The following TRPM2 variants were observed in gnomAD, a reference collection of about 807,000 sequenced individuals.
TRPM2 encodes transient receptor potential cation channel subfamily M member 2.
TRPM2 carries 161 observed loss-of-function variants against 174.0 expected under a neutral mutation model. The observed-to-expected ratio is 0.93, with a 90% CI of 0.81 to 1.05. The LOEUF (loss-of-function observed/expected upper bound fraction) is 1.05, where lower values mean the gene tolerates loss of function less well. Ranked by LOEUF, TRPM2 falls within the 50% of genes least tolerant of loss-of-function variation. TRPM2 has a pLI of 0.00. For missense variants in TRPM2, 2,057 were observed against 2,038.0 expected, an observed-to-expected ratio of 1.01 and a Z score of -0.18; for synonymous variants, 954 against 861.3, an observed-to-expected ratio of 1.11 and a Z score of -1.88.
intron 22 of TRPM2, 179 bp from the exon 23 acceptor site, chr21:44,423,466 C>A (rs1379351076): frequency 5.0e-6 from 3 of 606,044 alleles, no homozygotes; most frequent in South Asian, 1.8e-5. Context: ...CCTCTGGGGC[C>A]CTGGGCAGTT....
intron 27 of TRPM2, 100 bp from the exon 28 acceptor site, chr21:44,435,031 C>A: frequency 8.5e-7 from 1 of 1,173,302 alleles, no homozygotes; most frequent in South Asian, 1.3e-5. Context: ...CGCTGTGCGC[C>A]GGCTCCTGAC....
Position 44,403,733 on chromosome 21 carries a change from A to G in TRPM2, c.2539-1409A>G, listed in dbSNP as rs1252616591. Among the ~76,000 whole-genome samples the G allele has an allele frequency of 5.3e-5, 8 of 151,484 alleles. No homozygotes were observed. The East Asian group carries it at 7.7e-4, about 15-fold the overall frequency. On this transcript the variant is annotated intron_variant, in intron 16 of 31. Transcript: ENST00000397928. Reference sequence around the variant, plus strand: ...TACACACATATGCATGGACACACATACATGCATATAGAGATGCACACACAT... The same window carrying G: ...TACACACATATGCATGGACACACATGCATGCATATAGAGATGCACACACAT...
chr21:44,400,289 C>G lies in TRPM2; in HGVS notation c.2239C>G (p.Leu747Val), dbSNP rs146409810. The G allele has an allele frequency of 2.2e-4, 349 of 1,612,908 alleles. No individual in the cohort carries two copies. In the African/African-American group the frequency reaches 3.9e-3, roughly 18 times the overall value. ...AFLTKVWWGQ[L>V]SVDNGLWRVT... is the part of the protein sequence containing the mutation. ...CCTGACCAAGGTGTGGTGGGGCCAGCTCTCCGTGGACAATGGGCTGTGGCG... is the reference window on the plus strand; with the variant it reads ...CCTGACCAAGGTGTGGTGGGGCCAGGTCTCCGTGGACAATGGGCTGTGGCG... Residue 747 changes from leucine (L) to valine (V), a missense_variant, in exon 15 of 32, where the codon CTC becomes GTC. Coordinates refer to ENST00000397928, the MANE Select transcript of TRPM2 (RefSeq NM_003307.4).
intron 8 of TRPM2, 64 bp downstream of exon 8, chr21:44,379,261 G>C: frequency 6.4e-7 from 1 of 1,571,736 alleles, no homozygotes; most frequent in Non-Finnish European, 8.6e-7. Flanking sequence ...TGTCAGCCTG[G>C]TGGGCAGGAC....
chr21:44,375,787 G>A, intron 5 of TRPM2, 46 bp from the exon 6 acceptor site: 1 of 1,573,780 alleles, frequency 6.4e-7, no homozygotes, highest in Non-Finnish European at 8.7e-7. Flanking sequence ...CGTTAGAGAG[G>A]CAGAGCTTTC....
rs528321167 is a variant in TRPM2, at chr21:44,395,228, T to A, written c.1795-186T>A. Among the ~76,000 whole-genome samples the A allele has an allele frequency of 3.3e-5, 5 of 152,324 alleles. No individual in the cohort carries two copies. The East Asian group carries it at 9.6e-4, about 29-fold the overall frequency. On this transcript the variant is annotated intron_variant, in intron 11 of 31. Transcript: ENST00000397928. ...TCTAGATGTCTCCAGAACAGTGTTTTAAAAAACTTCAGTGTGCATAAGAAT... is the reference window on the plus strand; with the variant it reads ...TCTAGATGTCTCCAGAACAGTGTTTAAAAAAACTTCAGTGTGCATAAGAAT...
chr21:44,371,571 C>T (rs1233957498), intron 5 of TRPM2, among the ~76,000 whole-genome samples: 1 of 152,170 alleles, frequency 6.6e-6, no homozygotes, highest in East Asian at 1.9e-4. Flanking sequence ...CTCTGTGTGC[C>T]TGTGTCAAAT....
upstream of TRPM2, among the ~76,000 whole-genome samples, chr21:44,352,822 G>GAAT (rs2047949254): frequency 6.6e-6 from 1 of 152,198 alleles, no homozygotes; most frequent in African/African-American, 2.4e-5. Context: ...TTGAATTATT[G>GAAT]TCTTTTTCCT....
rs775591005 is a variant in TRPM2, at chr21:44,391,489, C to T, written c.1658C>T (p.Ala553Val). 1.2e-5 allele frequency: 19 copies of T among 1,586,450 alleles called. No individual in the cohort carries two copies. The highest frequency in any genetic ancestry group is 7.0e-5 in the East Asian group (3 of 42,830). Residue 553 changes from alanine (A) to valine (V), a missense_variant, in exon 11 of 32, where the codon GCG becomes GTG. By Grantham distance (64) the Ala-to-Val change is moderately conservative. Transcript: ENST00000397928. The surrounding 1 kb of genome is among the most constrained non-coding windows in gnomAD (Gnocchi z 5.0). ...GAGCGCCCGGCTTGCGCGCCCGCGG[C>T]GCCCCGCCTGCAGATGCACCACGTG... ...DPERPACAPA[A>V]PRLQMHHVAQ... is the part of the protein sequence containing the mutation.
chr21:44,440,106 G>A (rs575671428), intron 30 of TRPM2, among the ~76,000 whole-genome samples: 56 of 151,454 alleles, frequency 3.7e-4, no homozygotes, highest in African/African-American at 1.3e-3. Flanking sequence ...GGAGGCTGAG[G>A]TGGGTAGATC....
chr21:44,429,278 C>CTTTTTTTTTTTTTT (rs35708355), intron 27 of TRPM2, among the ~76,000 whole-genome samples: 67 of 44,182 alleles, frequency 1.5e-3, no homozygotes, highest in East Asian at 2.9e-3. Flanking sequence ...TTTTCTTTTT[C>CTTTTTTTTTTTTTT]TTTTTTTTTT....
At chr21:44,398,885 A>T (rs530966790) in intron 13 of TRPM2, among the ~76,000 whole-genome samples, 1 of 152,254 alleles carries the variant, frequency 6.6e-6, no homozygotes, top group African/African-American at 2.4e-5. Flanking sequence ...ACAAACGCAG[A>T]CTGCTCCCAG....
chr21:44,361,456 G>A (rs1056088454), intron 2 of TRPM2, among the ~76,000 whole-genome samples: 4 of 152,056 alleles, frequency 2.6e-5, no homozygotes, highest in Non-Finnish European at 4.4e-5. Flanking sequence ...TTTCCCTTTC[G>A]CCTTGCCTGT....
In TRPM2 at chr21:44,395,498, A is replaced by T. The variant is rs2049320441; in HGVS notation, c.1879A>T (p.Ile627Phe). 1 of 1,613,070 alleles carries T rather than the reference A, an allele frequency of 6.2e-7. No homozygotes were observed. The highest frequency in any genetic ancestry group is 8.5e-7 in the Non-Finnish European group (1 of 1,179,950). Residue 627 changes from isoleucine to phenylalanine, a missense_variant, in exon 12 of 32, where the codon ATT (isoleucine) becomes TTT (phenylalanine). Physicochemically the swap from Ile to Phe is conservative, Grantham distance 21 (BLOSUM62 0). Coordinates refer to ENST00000397928, the MANE Select transcript of TRPM2 (RefSeq NM_003307.4). Reference protein sequence around the residue: ...FTMDPIRDLLIWAIVQNRREL... With the variant: ...FTMDPIRDLLFWAIVQNRREL... ...CATGGACCCCATCCGTGACCTTCTC[A>T]TTTGGGCCATTGTCCAGAACCGTCG... is the stretch of plus-strand genomic sequence containing the variant.
At chr21:44,437,948 G>A (rs566678056) in intron 29 of TRPM2, among the ~76,000 whole-genome samples, 7 of 152,370 alleles carry the variant, frequency 4.6e-5, no homozygotes, top group South Asian at 2.1e-4. Flanking sequence ...CACCTGATCC[G>A]GGGAGTCTGT....
intron 3 of TRPM2, among the ~76,000 whole-genome samples, chr21:44,364,747 G>A (rs80254445): frequency 0.016 from 2,416 of 152,286 alleles, 53 homozygotes; most frequent in African/African-American, 0.055. Context: ...GGAAGCAAAC[G>A]CGAGAGTCCT....
rs2051076881 is a variant in TRPM2 at position 44,432,904 on chromosome 21, T to C, written c.3975-2227T>C. Among the ~76,000 whole-genome samples, 1 of 152,206 alleles carries C rather than the reference T, an allele frequency of 6.6e-6. No homozygotes were observed. Among genetic ancestry groups the C allele is most frequent in the African/African-American group, 2.4e-5 (1 of 41,452 alleles). On this transcript the variant is annotated intron_variant, in intron 27 of 31. Transcript: ENST00000397928. This position sits in a 1 kb window ranked among gnomAD's most constrained non-coding sequence, Gnocchi z 4.9. ...GTGTGCGTAGGTTTATGGACGGGCC[T>C]ATGCCTTGATGTCGTGATGGAACTA...
chr21:44,425,929 C>T (rs2050753153), intron 25 of TRPM2, 102 bp downstream of exon 25: 2 of 1,314,446 alleles, frequency 1.5e-6, no homozygotes, highest in East Asian at 2.8e-5. Context: ...GGCTCCCAGC[C>T]ACTGCAGCCA....
intron 11 of TRPM2, 129 bp from the exon 12 acceptor site, chr21:44,395,285 A>C: frequency 2.6e-6 from 3 of 1,148,440 alleles, no homozygotes; most frequent in Non-Finnish European, 3.6e-6. Context: ...TGCAGGTTGT[A>C]GTTCTCCAGG....
Sources: allele counts gnomAD v4.1 joint callset (sites outside exome capture counted in the v4.1 genomes callset), GRCh38; gene constraint gnomAD v4.1.1; non-coding constraint Gnocchi (gnomAD v3.1); transcripts MANE v1.5; gene names NCBI Gene and HGNC (gene_info 2026-07-23, HGNC 2026-07-21).